The following POLN variants were observed in gnomAD, a reference collection of about 807,000 sequenced individuals.
POLN encodes the protein DNA polymerase N.
POLN carries 108 observed loss-of-function variants against 113.5 expected under a neutral mutation model. That is an observed-to-expected ratio of 0.95 (90% CI 0.81 to 1.12). The LOEUF is 1.12. Ranked by LOEUF, POLN falls within the 50% of genes most tolerant of loss-of-function variation. The probability of loss-of-function intolerance (pLI) is 0.00; values close to 1 mark genes in which losing one functional copy is unlikely to be tolerated. For synonymous variants in POLN, 386 were observed against 391.5 expected (o/e 0.99, Z 0.17); for missense variants, 1,097 against 1,077.1 (o/e 1.02, Z -0.26).
intron 16 of POLN, among the ~76,000 whole-genome samples, chr4:2,155,629 A>G (rs374121629): frequency 1.3e-5 from 2 of 152,188 alleles, no homozygotes; most frequent in East Asian, 3.8e-4. Flanking sequence ...CTCATTCTGT[A>G]AACCTCCACA....
rs759228141 is a variant in POLN, at chr4:2,080,959, TG to T, written c.2385del (p.Arg796GlyfsTer49). On this transcript the variant is annotated frameshift_variant and splice_region_variant, in exon 23 of 26. Coordinates refer to ENST00000511885, the MANE Select transcript of POLN (RefSeq NM_181808.4). LOFTEE classifies it high-confidence loss of function. The part of the protein sequence containing the change: ...TAVAASHTLT[A>X]RLVAQIHDEL... ...CCTGGGAGACCACCACCCACTGACCTGGCCGTCAAGGTGTGGGAAGCAGCCA... is the reference window on the plus strand; with the variant it reads ...CCTGGGAGACCACCACCCACTGACCTGCCGTCAAGGTGTGGGAAGCAGCCA... The T allele has an allele frequency of 3.7e-6, 6 of 1,613,834 alleles. No homozygotes were observed. Among genetic ancestry groups the T allele is most frequent in the Non-Finnish European group, 3.4e-6 (4 of 1,179,932 alleles).
In POLN at chr4:2,146,042, T is replaced by C. The variant is rs534029675; in HGVS notation, c.1731+10746A>G. Among the ~76,000 whole-genome samples, 203 of 58,112 alleles carry C rather than the reference T, an allele frequency of 3.5e-3. 1 individual carries two copies. Among genetic ancestry groups the C allele is most frequent in the African/African-American group, 6.5e-3 (193 of 29,500 alleles). The allele number at this position is 58,112 out of a possible 152,430, so 38.1% of individuals were successfully genotyped here. A position where few individuals can be genotyped will look rare whatever the true frequency, so the allele number is the denominator to read the frequency against. On this transcript the variant is annotated intron_variant, in intron 16 of 25. Coordinates refer to ENST00000511885, the MANE Select transcript of POLN (RefSeq NM_181808.4). ...GCTATAATTTATATAAACTTTAAAATAGCAAAAAAAAGACAATCTATCATT... is the reference window on the plus strand; with the variant it reads ...GCTATAATTTATATAAACTTTAAAACAGCAAAAAAAAGACAATCTATCATT...
At chr4:2,125,129 G>T (rs76744323) in intron 19 of POLN, among the ~76,000 whole-genome samples, 1 of 152,310 alleles carries the variant, frequency 6.6e-6, no homozygotes, top group East Asian at 1.9e-4. Flanking sequence ...GAGTAAAAAT[G>T]GAAAATAAAA....
intron 21 of POLN, 141 bp downstream of exon 21, chr4:2,085,472 A>G (rs1030263501): frequency 1.7e-5 from 18 of 1,081,260 alleles, no homozygotes; most frequent in Middle Eastern, 3.1e-4. Flanking sequence ...TTATTTGTCC[A>G]ATAAGAGCTG....
At chr4:2,111,231 G>A (rs1459866087) in intron 19 of POLN, among the ~76,000 whole-genome samples, 3 of 151,586 alleles carry the variant, frequency 2.0e-5, no homozygotes, top group Admixed American at 1.3e-4. Flanking sequence ...GTATTGATGG[G>A]ACGTATCTCA....
intron 13 of POLN, among the ~76,000 whole-genome samples, chr4:2,165,959 T>C (rs1239716193): frequency 6.6e-6 from 1 of 152,106 alleles, no homozygotes; most frequent in Non-Finnish European, 1.5e-5. Context: ...AAATTTTTTG[T>C]AGAGAAATGG....
rs183651018 is a variant in POLN at position 2,202,294 on chromosome 4, A to G, written c.715-3577T>C. Among the ~76,000 whole-genome samples the G allele has an allele frequency of 1.7e-3, 257 of 152,366 alleles. 2 individuals carry two copies. Among genetic ancestry groups the G allele is most frequent in the African/African-American group, 5.5e-3 (230 of 41,586 alleles). On this transcript the variant is annotated intron_variant, in intron 5 of 25. Coordinates refer to ENST00000511885, the MANE Select transcript of POLN (RefSeq NM_181808.4). ...ACCAACCAACCATCTGCTGCCTTCA[A>G]GAGACTCACCTAACACATAAGGACT...
intron 9 of POLN, 73 bp from the exon 10 acceptor site, chr4:2,174,824 CTT>C (rs35293526): frequency 0.099 from 79,493 of 804,322 alleles, 3,010 homozygotes; most frequent in African/African-American, 0.31. Context: ...GAAAAGCCTA[CTT>C]TTTTTTTTTT....
intron 13 of POLN, among the ~76,000 whole-genome samples, chr4:2,162,753 G>A (rs962337848): frequency 2.0e-5 from 3 of 151,878 alleles, no homozygotes; most frequent in Admixed American, 6.6e-5. Context: ...CACCATGCCC[G>A]GCCCGATTTT....
chr4:2,210,728 C>G (rs929285198), intron 4 of POLN, among the ~76,000 whole-genome samples: 1 of 149,382 alleles, frequency 6.7e-6, no homozygotes, highest in Non-Finnish European at 1.5e-5. Flanking sequence ...CAAGACCAGC[C>G]TGGCCAATAT....
intron 19 of POLN, among the ~76,000 whole-genome samples, chr4:2,106,414 C>A (rs1387445949): frequency 1.3e-5 from 2 of 152,186 alleles, no homozygotes; most frequent in African/African-American, 4.8e-5. Flanking sequence ...TGTCCTGTGA[C>A]AATCATCTCG....
intron 3 of POLN, among the ~76,000 whole-genome samples, chr4:2,225,263 T>G (rs1232987972): frequency 2.0e-5 from 3 of 152,040 alleles, no homozygotes; most frequent in East Asian, 1.9e-4. Flanking sequence ...AAACTATGTA[T>G]GTATGCATGT....
chr4:2,166,798 T>C (rs570151863), intron 13 of POLN, among the ~76,000 whole-genome samples: 2 of 152,218 alleles, frequency 1.3e-5, no homozygotes, highest in South Asian at 4.2e-4. Flanking sequence ...AGCTTCCCTG[T>C]CCCAAGGCTT....
At chr4:2,084,175 T>A (rs1260360503) in intron 21 of POLN, among the ~76,000 whole-genome samples, 1 of 152,264 alleles carries the variant, frequency 6.6e-6, no homozygotes, top group Non-Finnish European at 1.5e-5. Context: ...TGGCTTTGAC[T>A]GCATCTCAAA....
intron 3 of POLN, among the ~76,000 whole-genome samples, chr4:2,223,883 C>A (rs1734322160): frequency 6.6e-6 from 1 of 152,166 alleles, no homozygotes; most frequent in African/African-American, 2.4e-5. Context: ...AAGTGTGAAA[C>A]CTTAGTGCAT....
Position 2,071,995 on chromosome 4 carries a change from C to T in POLN, c.*119G>A, listed in dbSNP as rs575468306. On this transcript the variant is annotated 3_prime_UTR_variant, in exon 26 of 26. Coordinates refer to ENST00000511885, the MANE Select transcript of POLN (RefSeq NM_181808.4). This position sits in a 1 kb window ranked among gnomAD's most constrained non-coding sequence, Gnocchi z 5.2. Reference sequence around the variant, plus strand: ...CACAGGCATTTACTCCAGGGGATGGCGGGCCACCCCAGCCCCAAAGGGTTA... The same window carrying T: ...CACAGGCATTTACTCCAGGGGATGGTGGGCCACCCCAGCCCCAAAGGGTTA... 1.8e-3 allele frequency: 2,098 copies of T among 1,151,516 alleles called. 3 individuals carry two copies. The highest frequency in any genetic ancestry group is 2.5e-3 in the Non-Finnish European group (1,871 of 761,796). 71.3% of individuals were successfully genotyped at this position (1,151,516 alleles called of 1,614,324 possible).
intron 5 of POLN, among the ~76,000 whole-genome samples, chr4:2,201,947 G>A (rs183069855): frequency 3.3e-4 from 50 of 152,274 alleles, no homozygotes; most frequent in African/African-American, 1.2e-3. Flanking sequence ...AAGGAAGGAT[G>A]CAGTCCTTTT....
intron 4 of POLN, among the ~76,000 whole-genome samples, chr4:2,210,009 A>T (rs956561523): frequency 6.8e-6 from 1 of 146,488 alleles, no homozygotes; most frequent in African/African-American, 2.5e-5. Flanking sequence ...AATTTACTTT[A>T]TATATATATA....
Position 2,129,273 on chromosome 4 carries a change from A to C in POLN, c.1790-17T>G. ...CTTCTTTACCTGAATTGTTATTTCA[A>C]GAGCATTTAGTGAATTTGGTCATGA... On this transcript the variant is annotated splice_polypyrimidine_tract_variant and intron_variant, in intron 17 of 25. Transcript: ENST00000511885. The C allele has an allele frequency of 2.0e-6, 3 of 1,533,564 alleles. No individual in the cohort carries two copies. Among genetic ancestry groups the C allele is most frequent in the Non-Finnish European group, 2.7e-6 (3 of 1,107,250 alleles). 95.0% of individuals were successfully genotyped at this position (1,533,564 alleles called of 1,614,324 possible). A position where few individuals can be genotyped will look rare whatever the true frequency, so the allele number is the denominator to read the frequency against.
Sources: allele counts gnomAD v4.1 joint callset (sites outside exome capture counted in the v4.1 genomes callset), GRCh38; gene constraint gnomAD v4.1.1; non-coding constraint Gnocchi (gnomAD v3.1); transcripts MANE v1.5; gene names NCBI Gene and HGNC (gene_info 2026-07-23, HGNC 2026-07-21).